CNTLN: variants seen among roughly 807,000 people sequenced by gnomAD.
CNTLN encodes the protein centlein, centrosomal protein.
In CNTLN, 212 loss-of-function variants were observed where a neutral mutation model predicts 180.0. The observed-to-expected ratio is 1.18, with a 90% CI of 1.05 to 1.32. The LOEUF (loss-of-function observed/expected upper bound fraction) is 1.32. Among genes scored for constraint, CNTLN ranks in the 40% most tolerant of loss-of-function variants. The pLI is 0.00. For synonymous variants in CNTLN, 722 were observed against 563.1 expected (o/e 1.28, Z -3.99); for missense variants, 2,095 against 1,610.9 (o/e 1.30, Z -5.14).
At chr9:17,392,200 A>C (rs888532814) in intron 14 of CNTLN, among the ~76,000 whole-genome samples, 1 of 152,144 alleles carries the variant, frequency 6.6e-6, no homozygotes, top group South Asian at 2.1e-4. Flanking sequence ...CCAGGAGGTC[A>C]AGGCTGAAAA....
intron 2 of CNTLN, among the ~76,000 whole-genome samples, chr9:17,220,075 G>T (rs1271105253): frequency 1.3e-5 from 2 of 152,058 alleles, no homozygotes; most frequent in East Asian, 1.9e-4. Context: ...AACACAGATT[G>T]CTGGGCCCCC....
intron 3 of CNTLN, among the ~76,000 whole-genome samples, chr9:17,232,641 A>G (rs1288037510): frequency 6.6e-6 from 1 of 152,034 alleles, no homozygotes; most frequent in African/African-American, 2.4e-5. Flanking sequence ...TTTAATGCTT[A>G]TATTATTGAA....
At chr9:17,512,044 C>A in the CNTLN span, among the ~76,000 whole-genome samples, 1 of 152,100 alleles carries the variant, frequency 6.6e-6, no homozygotes, top group Non-Finnish European at 1.5e-5. Context: ...TATTTAATAC[C>A]ATTTCTAGAC....
intron 1 of CNTLN, among the ~76,000 whole-genome samples, chr9:17,135,991 A>G (rs1468401472): frequency 6.6e-6 from 1 of 152,042 alleles, no homozygotes; most frequent in East Asian, 1.9e-4. Flanking sequence ...TTTATTAACC[A>G]GCTATGGTAA....
Position 17,273,758 on chromosome 9 carries a change from C to A in CNTLN, c.875C>A (p.Ala292Glu). The change falls in exon 6 of 26, where the codon GCA becomes GAA. Residue 292 changes from alanine to glutamate, a missense_variant. By Grantham distance (107) the Ala-to-Glu change is moderately radical. Coordinates refer to ENST00000380647, the MANE Select transcript of CNTLN (RefSeq NM_017738.4). ...ACCTTTGAAGACAATTTAATTGAAG[C>A]AAGGAAAGAAGTTGAAGTATCACAG... ...IKTFEDNLIE[A>E]RKEVEVSQSK... is the part of the protein sequence containing the mutation. 1.3e-6 allele frequency: 2 copies of A among 1,535,982 alleles called. No individual in the cohort carries two copies. The highest frequency in any genetic ancestry group is 1.4e-5 in the African/African-American group (1 of 70,828).
the CNTLN span, among the ~76,000 whole-genome samples, chr9:17,513,816 C>G: frequency 6.6e-6 from 1 of 151,894 alleles, no homozygotes; most frequent in African/African-American, 2.4e-5. Context: ...AAAGATATAA[C>G]GAAGCTGATC....
At chr9:17,434,820 C>T (rs1241975432) in intron 18 of CNTLN, among the ~76,000 whole-genome samples, 1 of 150,676 alleles carries the variant, frequency 6.6e-6, no homozygotes, top group African/African-American at 2.4e-5. Flanking sequence ...AATTTGCAGA[C>T]AACAGTTCTT....
intron 25 of CNTLN, among the ~76,000 whole-genome samples, chr9:17,488,905 G>A (rs1256261569): frequency 2.6e-5 from 4 of 152,176 alleles, no homozygotes; most frequent in East Asian, 1.9e-4. Context: ...GCTGTTATAC[G>A]TAATGAACTG....
In CNTLN at chr9:17,329,075, T is replaced by G. The variant is rs1213777664; in HGVS notation, c.1342-1557T>G. Among the ~76,000 whole-genome samples, 3 of 152,096 alleles carry G rather than the reference T, an allele frequency of 2.0e-5. No individual in the cohort carries two copies. In the East Asian group the frequency reaches 5.8e-4, roughly 29 times the overall value. On this transcript the variant is annotated intron_variant, in intron 8 of 25. Transcript: ENST00000380647. ...CCATTGATGACTTAGGAAGTTCATT[T>G]ATTGACGAACACAAGTTTGCTTGTT...
intron 8 of CNTLN, 98 bp from the exon 9 acceptor site, chr9:17,330,534 A>T: frequency 1.6e-6 from 1 of 643,592 alleles, no homozygotes; most frequent in Non-Finnish European, 2.4e-6. Flanking sequence ...CTGAATATTT[A>T]CAATTTCTAT....
intron 13 of CNTLN, among the ~76,000 whole-genome samples, chr9:17,370,389 A>T (rs757524093): frequency 6.6e-5 from 10 of 152,182 alleles, no homozygotes; most frequent in Non-Finnish European, 1.5e-4. Context: ...AGGCTAGGAG[A>T]TAGTGGCATG....
intron 15 of CNTLN, among the ~76,000 whole-genome samples, chr9:17,407,457 G>T (rs187885124): frequency 1.3e-5 from 2 of 152,260 alleles, no homozygotes; most frequent in Non-Finnish European, 1.5e-5. Flanking sequence ...TTAACATGAC[G>T]TTGAGAGGGA....
intron 13 of CNTLN, among the ~76,000 whole-genome samples, chr9:17,386,387 A>G (rs1263008254): frequency 6.6e-6 from 1 of 152,222 alleles, no homozygotes; most frequent in Non-Finnish European, 1.5e-5. Context: ...TGTTTATACT[A>G]GTAAAAGTAA....
intron 14 of CNTLN, among the ~76,000 whole-genome samples, chr9:17,394,015 A>G (rs917197821): frequency 5.3e-5 from 8 of 152,178 alleles, no homozygotes; most frequent in African/African-American, 1.7e-4. Flanking sequence ...ATTATTTAGT[A>G]AACTGTTCCC....
Position 17,394,899 on chromosome 9 carries a change from A to G in CNTLN, c.2445A>G (p.Arg815=). ...CCGAGATGGCCACCATGAAAGTGAG[A>G]TCTGGACGATATGATTGTAAGACAA... ...AKSEMATMKV[R]SGRYDCKTTM... Residue 815 remains arginine, a synonymous_variant, in exon 15 of 26, where the codon AGA becomes AGG. Transcript: ENST00000380647. The G allele has an allele frequency of 6.2e-7, 1 of 1,614,074 alleles. No homozygotes were observed. Among genetic ancestry groups the G allele is most frequent in the Middle Eastern group, 1.7e-4 (1 of 6,060 alleles).
intron 6 of CNTLN, among the ~76,000 whole-genome samples, chr9:17,296,034 G>T (rs888499963): frequency 1.4e-5 from 2 of 143,556 alleles, no homozygotes; most frequent in African/African-American, 5.1e-5. Context: ...GTGTGTGTGT[G>T]TGTGTTAGAT....
intron 8 of CNTLN, among the ~76,000 whole-genome samples, chr9:17,312,294 AATCTACTTCC>A (rs1366114002): frequency 1.4e-5 from 2 of 146,852 alleles, no homozygotes; most frequent in Non-Finnish European, 3.0e-5. Context: ...ACTGACTTCT[AATCTACTTCC>A]ATTGTGGTCA....
In CNTLN at chr9:17,268,508, G is replaced by A. The variant is rs886854907; in HGVS notation, c.850-5225G>A. On this transcript the variant is annotated intron_variant, in intron 5 of 25. Transcript: ENST00000380647. Reference sequence around the variant, plus strand: ...GGTCAGGGACCCTCTTGAGGAGGCAGTCTGCCCGTTCTCAGATCTCTAGCC... The same window carrying A: ...GGTCAGGGACCCTCTTGAGGAGGCAATCTGCCCGTTCTCAGATCTCTAGCC... Among the ~76,000 whole-genome samples, 36 of 152,306 alleles carry A rather than the reference G, an allele frequency of 2.4e-4. 1 individual carries two copies. The highest frequency in any genetic ancestry group is 2.0e-3 in the Admixed American group (30 of 15,304).
At chr9:17,482,665 A>G (rs1488887533) in intron 23 of CNTLN, among the ~76,000 whole-genome samples, 1 of 152,202 alleles carries the variant, frequency 6.6e-6, no homozygotes, top group African/African-American at 2.4e-5. Context: ...AAAGAAGGGT[A>G]GTGAGAGAGA....
Sources: gnomAD v4.1 joint callset for allele counts (sites outside exome capture counted in the v4.1 genomes callset) on GRCh38, gnomAD v4.1.1 for gene constraint, MANE v1.5 for transcripts, NCBI Gene and HGNC (gene_info 2026-07-23, HGNC 2026-07-21) for gene names.